SLC6A15: variants seen among roughly 807,000 people sequenced by gnomAD.
SLC6A15 encodes solute carrier family 6 member 15.
In SLC6A15, 33 loss-of-function variants were observed where a neutral mutation model predicts 68.5. The observed-to-expected ratio is 0.48, with a 90% CI of 0.37 to 0.64. The LOEUF is 0.64. Among genes scored for constraint, SLC6A15 ranks in the 30% least tolerant of loss-of-function variants. SLC6A15 has a pLI of 0.00. For synonymous variants in SLC6A15, 347 were observed against 301.0 expected (o/e 1.15, Z -1.58); for missense variants, 747 against 874.3 (o/e 0.85, Z 1.84).
At chr12:84,911,358 G>C (rs922064012) in intron 1 of SLC6A15, among the ~76,000 whole-genome samples, 1 of 152,142 alleles carries the variant, frequency 6.6e-6, no homozygotes, top group Admixed American at 6.5e-5. Context: ...ATCTGGAGGG[G>C]AAAACGGCAA....
intron 5 of SLC6A15, chr12:84,880,955 A>G (rs1305458031): frequency 2.5e-6 from 2 of 801,366 alleles, no homozygotes; most frequent in Non-Finnish European, 3.0e-6. Flanking sequence ...TTGGTTGCTT[A>G]ATTCTGGCCA....
chr12:84,869,361 C>T (rs991489212), intron 9 of SLC6A15, among the ~76,000 whole-genome samples: 12 of 150,962 alleles, frequency 7.9e-5, no homozygotes, highest in Admixed American at 3.3e-4. Flanking sequence ...ACTCGGGAGG[C>T]TGAGGCAGGA....
At chr12:84,865,474 A>G (rs931210906) in intron 10 of SLC6A15, among the ~76,000 whole-genome samples, 1 of 152,188 alleles carries the variant, frequency 6.6e-6, no homozygotes, top group African/African-American at 2.4e-5. Context: ...ATTATTACCT[A>G]GAGCCCACAG....
chr12:84,877,891 TC>T (rs2120603005), intron 5 of SLC6A15, among the ~76,000 whole-genome samples: 1 of 152,304 alleles, frequency 6.6e-6, no homozygotes, highest in African/African-American at 2.4e-5. Context: ...AAAGATATTT[TC>T]TGTTTACTAC....
chr12:84,874,348 G>T (rs1871420369), intron 6 of SLC6A15: 1 of 152,134 alleles, frequency 6.6e-6, no homozygotes, highest in Non-Finnish European at 1.5e-5. Flanking sequence ...AAAATGCTCA[G>T]TAACCGATAA....
chr12:84,899,807 A>T (rs975066394), intron 1 of SLC6A15, among the ~76,000 whole-genome samples: 7 of 152,050 alleles, frequency 4.6e-5, no homozygotes, highest in African/African-American at 1.7e-4. Flanking sequence ...CGCTTTAGTT[A>T]TCTTCATATA....
At chr12:84,892,650 T>C (rs1452543411) in intron 1 of SLC6A15, among the ~76,000 whole-genome samples, 2 of 152,210 alleles carry the variant, frequency 1.3e-5, no homozygotes, top group African/African-American at 4.8e-5. Flanking sequence ...TTTTCTTATA[T>C]ATCCCTGATT....
At chr12:84,901,048 G>A (rs912010514) in intron 1 of SLC6A15, among the ~76,000 whole-genome samples, 5 of 146,942 alleles carry the variant, frequency 3.4e-5, no homozygotes, top group African/African-American at 5.0e-5. Flanking sequence ...ACACATATAC[G>A]TATATATGTA....
At chr12:84,887,168 T>C (rs891089368) in intron 2 of SLC6A15, among the ~76,000 whole-genome samples, 1 of 152,222 alleles carries the variant, frequency 6.6e-6, no homozygotes, top group Non-Finnish European at 1.5e-5. Flanking sequence ...TTTGTCCAAC[T>C]AGATACTGTT....
chr12:84,875,666 A>G (rs868599013), intron 6 of SLC6A15, among the ~76,000 whole-genome samples: 2,205 of 4,040 alleles, frequency 0.55, 223 homozygotes, highest in Middle Eastern at 0.67. Context: ...ATATATATAT[A>G]TATATATATA....
chr12:84,907,866 C>T (rs544133966), intron 1 of SLC6A15, among the ~76,000 whole-genome samples: 1 of 152,286 alleles, frequency 6.6e-6, no homozygotes, highest in South Asian at 2.1e-4. Context: ...TTAGCAAAAA[C>T]TACCAATATA....
At chr12:84,876,642 CA>C in intron 5 of SLC6A15, 35 bp from the exon 6 acceptor site, 2 of 1,023,454 alleles carry the variant, frequency 2.0e-6, no homozygotes, top group Non-Finnish European at 2.9e-6. Context: ...AAGTGAGATA[CA>C]ATGACCATTT....
chr12:84,867,199 C>A lies in SLC6A15; in HGVS notation c.1496-6G>T. On this transcript the variant is annotated splice_polypyrimidine_tract_variant and splice_region_variant and intron_variant, in intron 9 of 11. Transcript: ENST00000266682. ...TGCCAGAAGACAACAGATAACTAGACAAAAGAAATAAATGAAAAAATGAGA... is the reference window on the plus strand; with the variant it reads ...TGCCAGAAGACAACAGATAACTAGAAAAAAGAAATAAATGAAAAAATGAGA... 2 of 1,568,710 alleles carry A rather than the reference C, an allele frequency of 1.3e-6. No individual in the cohort carries two copies. Among genetic ancestry groups the A allele is most frequent in the South Asian group, 1.2e-5 (1 of 81,888 alleles).
chr12:84,877,273 C>T (rs1203507509), intron 5 of SLC6A15, among the ~76,000 whole-genome samples: 1 of 152,148 alleles, frequency 6.6e-6, no homozygotes, highest in Non-Finnish European at 1.5e-5. Context: ...CAAAGCTATT[C>T]CCACCCATCT....
chr12:84,865,755 C>T (rs932357266), intron 10 of SLC6A15, among the ~76,000 whole-genome samples: 2 of 152,130 alleles, frequency 1.3e-5, no homozygotes, highest in African/African-American at 4.8e-5. Context: ...AAGTAATGTG[C>T]ATTAAAATTT....
intron 1 of SLC6A15, among the ~76,000 whole-genome samples, chr12:84,904,062 G>C (rs1873012642): frequency 6.6e-6 from 1 of 152,006 alleles, no homozygotes; most frequent in Admixed American, 6.6e-5. Flanking sequence ...CCAGAAGGTA[G>C]CAGCAGTGAA....
chr12:84,891,919 G>T lies in SLC6A15; in HGVS notation c.202C>A (p.Leu68Ile). The change falls in exon 2 of 12, where the codon CTA becomes ATA. Residue 68 changes from leucine (L) to isoleucine (I), a missense_variant. By Grantham distance (5) the Leu-to-Ile change is conservative. Coordinates refer to ENST00000266682, the MANE Select transcript of SLC6A15 (RefSeq NM_182767.6). Reference sequence around the variant, plus strand: ...CCAACTTGGGCCAGGATGTATTGTAGTTTACTGTTCCAAGCTGGTCTTTCA... The same window carrying T: ...CCAACTTGGGCCAGGATGTATTGTATTTTACTGTTCCAAGCTGGTCTTTCA... ...EDERPAWNSK[L>I]QYILAQVGFS... 6.2e-7 allele frequency: 1 copy of T among 1,614,002 alleles called. No homozygotes were observed. Among genetic ancestry groups the T allele is most frequent in the Non-Finnish European group, 8.5e-7 (1 of 1,179,984 alleles).
Position 84,885,158 on chromosome 12 carries a change from A to G in SLC6A15, c.574+277T>C, listed in dbSNP as rs550212469. 2.0e-5 allele frequency among the ~76,000 whole-genome samples: 3 copies of G among 152,202 alleles called. No homozygotes were observed. In the East Asian group the frequency reaches 5.8e-4, roughly 29 times the overall value. ...TAAGGCATCAATCAGGGCATACAAA[A>G]TAAAGATTATCAAAGTTAATAAGTG... On this transcript the variant is annotated intron_variant, in intron 4 of 11. Transcript: ENST00000266682.
chr12:84,871,529 C>T (rs988104915), intron 8 of SLC6A15, among the ~76,000 whole-genome samples: 1 of 151,556 alleles, frequency 6.6e-6, no homozygotes, highest in African/African-American at 2.4e-5. Context: ...ACTAACTGTA[C>T]CTATAACCAA....
Sources: gnomAD v4.1 joint callset for allele counts (sites outside exome capture counted in the v4.1 genomes callset) on GRCh38, gnomAD v4.1.1 for gene constraint, MANE v1.5 for transcripts, NCBI Gene and HGNC (gene_info 2026-07-23, HGNC 2026-07-21) for gene names.